Variants in CCDC93 observed in about 807,000 individuals in gnomAD.
CCDC93 encodes the protein coiled-coil domain-containing protein 93.
Under a neutral mutation model 108.2 loss-of-function variants are expected in CCDC93, and 61 were observed. That is an observed-to-expected ratio of 0.56 (90% CI 0.46 to 0.70). The LOEUF is 0.70. Among genes scored for constraint, CCDC93 ranks in the 30% least tolerant of loss-of-function variants. The pLI is 0.00. For synonymous variants in CCDC93, 276 were observed against 260.4 expected, an observed-to-expected ratio of 1.06 and a Z score of -0.58; for missense variants, 685 against 764.2, an observed-to-expected ratio of 0.90 and a Z score of 1.22.
chr2:117,997,437 T>C (rs751951684), intron 4 of CCDC93: 2 of 152,254 alleles, frequency 1.3e-5, no homozygotes, highest in African/African-American at 2.4e-5. Context: ...TTTGGGATAG[T>C]AGCTGTGTTT....
intron 8 of CCDC93, 54 bp downstream of exon 8, chr2:117,977,940 G>A: frequency 6.6e-7 from 1 of 1,508,400 alleles, no homozygotes. Flanking sequence ...CAGAGGTGAA[G>A]GGAGTCACTT....
At chr2:117,993,498 G>C (rs1284474288) in intron 6 of CCDC93, among the ~76,000 whole-genome samples, 1 of 149,290 alleles carries the variant, frequency 6.7e-6, no homozygotes, top group East Asian at 2.0e-4. Flanking sequence ...GTAATGCACA[G>C]ACTTAGAATA....
chr2:117,965,700 G>T (rs1357556123), intron 11 of CCDC93, among the ~76,000 whole-genome samples: 1 of 152,108 alleles, frequency 6.6e-6, no homozygotes, highest in Admixed American at 6.5e-5. Context: ...CAGGTTGACT[G>T]ACTCCTTACT....
intron 8 of CCDC93, among the ~76,000 whole-genome samples, chr2:117,975,707 G>T (rs780494926): frequency 9.8e-5 from 15 of 152,328 alleles, no homozygotes; most frequent in African/African-American, 1.9e-4. Context: ...AACAGAACAT[G>T]CCAGAGTGCT....
At chr2:117,920,426 G>A (rs1334498131) in intron 23 of CCDC93, 30 bp from the exon 24 acceptor site, 1 of 1,556,364 alleles carries the variant, frequency 6.4e-7, no homozygotes. Context: ...TATAGAGAGA[G>A]TGGTGACTAC....
chr2:117,969,739 C>T (rs749096941), intron 11 of CCDC93, among the ~76,000 whole-genome samples: 23 of 152,094 alleles, frequency 1.5e-4, no homozygotes, highest in African/African-American at 5.3e-4. Flanking sequence ...AAACATTGTC[C>T]GAATCACAAA....
At chr2:117,932,619 C>T (rs1678381367) in intron 22 of CCDC93, among the ~76,000 whole-genome samples, 1 of 152,212 alleles carries the variant, frequency 6.6e-6, no homozygotes, top group African/African-American at 2.4e-5. Flanking sequence ...GGTGCCCTCC[C>T]TTGTGCCTAG....
chr2:118,000,460 T>C (rs1299422985), intron 4 of CCDC93, among the ~76,000 whole-genome samples: 4 of 152,084 alleles, frequency 2.6e-5, no homozygotes, highest in Non-Finnish European at 5.9e-5. Flanking sequence ...TCTGAATGAA[T>C]GCCAGAGAGT....
intron 13 of CCDC93, chr2:117,949,691 A>G: frequency 1.1e-6 from 1 of 885,962 alleles, no homozygotes; most frequent in Non-Finnish European, 1.4e-6. Flanking sequence ...TGAATGTGTT[A>G]CTTATTCAAA....
intron 7 of CCDC93, among the ~76,000 whole-genome samples, chr2:117,981,913 A>G (rs1392645274): frequency 6.6e-6 from 1 of 152,138 alleles, no homozygotes; most frequent in Non-Finnish European, 1.5e-5. Context: ...ATGGTTATCT[A>G]TTTGGAATAT....
At chr2:117,928,063 G>C (rs990800787) in intron 23 of CCDC93, among the ~76,000 whole-genome samples, 8 of 148,938 alleles carry the variant, frequency 5.4e-5, no homozygotes, top group African/African-American at 2.0e-4. Flanking sequence ...CCATTATGTA[G>C]AAAGCTGAAA....
intron 23 of CCDC93, among the ~76,000 whole-genome samples, chr2:117,924,753 C>T (rs1199766315): frequency 1.3e-5 from 2 of 152,158 alleles, no homozygotes; most frequent in Non-Finnish European, 2.9e-5. Flanking sequence ...GGCAGGCCAA[C>T]ATTCAAATTT....
At chr2:117,995,603 C>T (rs767326464) in intron 5 of CCDC93, 101 bp from the exon 6 acceptor site, 1 of 901,178 alleles carries the variant, frequency 1.1e-6, no homozygotes, top group Non-Finnish European at 1.8e-6. Flanking sequence ...CATCTCATCA[C>T]TACTTTGCCT....
At chr2:117,937,593 G>A (rs879490732) in intron 20 of CCDC93, among the ~76,000 whole-genome samples, 6 of 152,126 alleles carry the variant, frequency 3.9e-5, no homozygotes, top group Non-Finnish European at 8.8e-5. Flanking sequence ...AGTCTGCCTC[G>A]CAATATTCCT....
chr2:117,996,139 C>T, intron 5 of CCDC93, 125 bp downstream of exon 5: 1 of 572,318 alleles, frequency 1.7e-6, no homozygotes, highest in East Asian at 2.8e-5. Flanking sequence ...TAAAGAAGCA[C>T]TAATGATGCC....
chr2:117,990,448 G>A (rs1276108681), intron 6 of CCDC93, among the ~76,000 whole-genome samples: 5 of 152,312 alleles, frequency 3.3e-5, no homozygotes, highest in South Asian at 2.1e-4. Flanking sequence ...AACAGAACAC[G>A]CCCATCATAA....
chr2:117,991,749 T>C lies in CCDC93; in HGVS notation c.519+3697A>G, dbSNP rs1680480749. Among the ~76,000 whole-genome samples the C allele has an allele frequency of 5.9e-5, 9 of 152,264 alleles. No homozygotes were observed. The South Asian group carries it at 1.9e-3, about 31-fold the overall frequency. On this transcript the variant is annotated intron_variant, in intron 6 of 23. Coordinates refer to ENST00000376300, the MANE Select transcript of CCDC93 (RefSeq NM_019044.5). ...GGTCTAAAAACTAGGCATCTACATG[T>C]CTGACCTTATTTTATTCCTTAATTT...
At chr2:117,968,620 T>A (rs1342766144) in intron 11 of CCDC93, among the ~76,000 whole-genome samples, 1 of 152,226 alleles carries the variant, frequency 6.6e-6, no homozygotes, top group Non-Finnish European at 1.5e-5. Context: ...AAGAAACTTG[T>A]GAACTTTACC....
chr2:117,937,765 TC>T (rs1397914165), intron 20 of CCDC93, among the ~76,000 whole-genome samples: 1 of 152,212 alleles, frequency 6.6e-6, no homozygotes, highest in Non-Finnish European at 1.5e-5. Flanking sequence ...ACAGAGCTAT[TC>T]CCCAGGTCTG....
Sources: gnomAD v4.1 joint callset for allele counts (sites outside exome capture counted in the v4.1 genomes callset) on GRCh38, gnomAD v4.1.1 for gene constraint, MANE v1.5 for transcripts, NCBI Gene and HGNC (gene_info 2026-07-23, HGNC 2026-07-21) for gene names.